Variants in PEX14 observed in about 807,000 individuals in gnomAD.
PEX14 encodes peroxisomal membrane protein PEX14.
Under a neutral mutation model 49.5 loss-of-function variants are expected in PEX14, and 15 were observed. That is an observed-to-expected ratio of 0.30 (90% CI 0.20 to 0.47). PEX14 has a LOEUF of 0.47. Among genes scored for constraint, PEX14 ranks in the 20% least tolerant of loss-of-function variants. PEX14 has a pLI of 1.00. For synonymous variants in PEX14, 210 were observed against 212.7 expected (o/e 0.99, Z 0.11); for missense variants, 398 against 494.8 (o/e 0.80, Z 1.86).
chr1:10,475,343 A>G (rs1641176562), intron 1 of PEX14, among the ~76,000 whole-genome samples: 1 of 152,130 alleles, frequency 6.6e-6, no homozygotes, highest in Admixed American at 6.5e-5. Context: ...GGGCTTGAGA[A>G]GGAGAGGATA....
At chr1:10,574,197 A>G (rs1223038719) in intron 3 of PEX14, among the ~76,000 whole-genome samples, 2 of 152,260 alleles carry the variant, frequency 1.3e-5, no homozygotes, top group African/African-American at 4.8e-5. Flanking sequence ...GAAATATTAC[A>G]TAAGAAGAAA....
At chr1:10,627,227 T>G in intron 7 of PEX14, 45 bp from the exon 8 acceptor site, 1 of 1,368,926 alleles carries the variant, frequency 7.3e-7, no homozygotes, top group Non-Finnish European at 1.0e-6. Context: ...GCCCCGCCCG[T>G]GCCGCAAGGC....
intron 1 of PEX14, among the ~76,000 whole-genome samples, chr1:10,486,327 G>A (rs1163108295): frequency 2.0e-5 from 3 of 149,232 alleles, no homozygotes; most frequent in Admixed American, 6.7e-5. Flanking sequence ...TTGTCAAGTT[G>A]AAGAAATTCA....
At chr1:10,478,646 A>T (rs1013708032) in intron 1 of PEX14, among the ~76,000 whole-genome samples, 1 of 152,088 alleles carries the variant, frequency 6.6e-6, no homozygotes, top group East Asian at 1.9e-4. Flanking sequence ...TGGTGTGATC[A>T]TGGCTCACTG....
intron 7 of PEX14, among the ~76,000 whole-genome samples, chr1:10,624,765 A>G (rs1030346206): frequency 2.6e-5 from 4 of 152,086 alleles, no homozygotes; most frequent in Non-Finnish European, 5.9e-5. Context: ...CTGTGTAGAC[A>G]TGGGACGGTC....
intron 4 of PEX14, among the ~76,000 whole-genome samples, chr1:10,617,653 C>T (rs952429478): frequency 1.3e-5 from 2 of 152,140 alleles, no homozygotes; most frequent in Admixed American, 6.5e-5. Flanking sequence ...CCTCCAGCCC[C>T]CAAGGGCCTC....
intron 2 of PEX14, among the ~76,000 whole-genome samples, chr1:10,505,717 G>A (rs979018081): frequency 3.4e-5 from 5 of 146,884 alleles, no homozygotes; most frequent in African/African-American, 7.6e-5. Context: ...GTCTTGCTCC[G>A]TTGCCCAGGC....
chr1:10,609,621 A>G (rs1372137473), intron 4 of PEX14, among the ~76,000 whole-genome samples: 1 of 152,196 alleles, frequency 6.6e-6, no homozygotes, highest in Non-Finnish European at 1.5e-5. Context: ...GCAGTGGCTC[A>G]TGCCTGTAAT....
At chr1:10,576,794 A>G (rs1640128330) in intron 3 of PEX14, among the ~76,000 whole-genome samples, 1 of 145,328 alleles carries the variant, frequency 6.9e-6, no homozygotes, top group Admixed American at 7.0e-5. Context: ...TTTTGCTCGT[A>G]TCGCCCAAGC....
chr1:10,563,078 A>AT (rs70997252), intron 3 of PEX14, among the ~76,000 whole-genome samples: 2 of 129,540 alleles, frequency 1.5e-5, no homozygotes, highest in African/African-American at 5.8e-5. Flanking sequence ...TGCCTGGCTA[A>AT]TTTTTTTTTT....
intron 4 of PEX14, among the ~76,000 whole-genome samples, chr1:10,615,380 C>T (rs1228027163): frequency 1.3e-5 from 2 of 152,086 alleles, no homozygotes; most frequent in African/African-American, 4.8e-5. Context: ...TACAGTACAC[C>T]GAAAAGGAAA....
chr1:10,487,040 C>G (rs1438931002), intron 1 of PEX14, among the ~76,000 whole-genome samples: 3 of 151,960 alleles, frequency 2.0e-5, no homozygotes, highest in East Asian at 3.9e-4. Context: ...GTCAGGTGCT[C>G]TTTTTTGTCT....
chr1:10,518,511 T>G (rs529746888), intron 2 of PEX14, among the ~76,000 whole-genome samples: 3 of 152,308 alleles, frequency 2.0e-5, no homozygotes, highest in Middle Eastern at 6.8e-3. Flanking sequence ...CTGTGCTCTT[T>G]TCTTACATTC....
intron 3 of PEX14, among the ~76,000 whole-genome samples, chr1:10,556,512 T>C (rs1639494787): frequency 6.6e-6 from 1 of 152,156 alleles, no homozygotes; most frequent in African/African-American, 2.4e-5. Context: ...AATCGTCCCC[T>C]TGGAGGGCCA....
intron 1 of PEX14, among the ~76,000 whole-genome samples, chr1:10,479,725 G>C (rs992470232): frequency 3.9e-5 from 6 of 152,230 alleles, no homozygotes; most frequent in African/African-American, 1.4e-4. Flanking sequence ...GAGTGGAAGA[G>C]CATGGCTTCG....
At chr1:10,615,868 G>A (rs557362532) in intron 4 of PEX14, among the ~76,000 whole-genome samples, 123 of 152,362 alleles carry the variant, frequency 8.1e-4, no homozygotes, top group African/African-American at 2.7e-3. Flanking sequence ...AGACTCACTG[G>A]AAGGATAAAT....
At chr1:10,610,501 G>A (rs1236654986) in intron 4 of PEX14, among the ~76,000 whole-genome samples, 3 of 149,966 alleles carry the variant, frequency 2.0e-5, no homozygotes, top group African/African-American at 4.9e-5. Flanking sequence ...TTTTTTTTGA[G>A]ATGGAGTTTC....
chr1:10,607,679 T>A (rs1454571902), intron 4 of PEX14, among the ~76,000 whole-genome samples: 1 of 152,226 alleles, frequency 6.6e-6, no homozygotes, highest in African/African-American at 2.4e-5. Context: ...TCCACTTGCA[T>A]ATCTTTCTTG....
intron 3 of PEX14, among the ~76,000 whole-genome samples, chr1:10,580,936 G>A (rs1167781819): frequency 6.6e-6 from 1 of 152,114 alleles, no homozygotes; most frequent in Non-Finnish European, 1.5e-5. Flanking sequence ...CTGACTCATA[G>A]CTATTAAGTG....
Sources: allele counts gnomAD v4.1 joint callset (sites outside exome capture counted in the v4.1 genomes callset), GRCh38; gene constraint gnomAD v4.1.1; transcripts MANE v1.5; gene names NCBI Gene and HGNC (gene_info 2026-07-23, HGNC 2026-07-21).